Variants in KCNIP1 observed in about 807,000 individuals in gnomAD.
The protein encoded by KCNIP1 is potassium voltage-gated channel interacting protein 1, also known as A-type potassium channel modulatory protein KCNIP1.
KCNIP1 carries 18 observed loss-of-function variants against 33.0 expected under a neutral mutation model. The observed-to-expected ratio is 0.55, with a 90% CI of 0.38 to 0.81. KCNIP1 has a LOEUF of 0.81. Among genes scored for constraint, KCNIP1 ranks in the 30% least tolerant of loss-of-function variants. KCNIP1 has a pLI of 0.00. For synonymous variants in KCNIP1, 93 were observed against 98.3 expected, an observed-to-expected ratio of 0.95 and a Z score of 0.32; for missense variants, 238 against 271.6, an observed-to-expected ratio of 0.88 and a Z score of 0.87.
chr5:170,679,032 G>A lies in KCNIP1; in HGVS notation c.62-39726G>A, dbSNP rs1232374023. ...AGTGGGTTAATTATTACACTTGCTA[G>A]GGCCCCAGAGGAGAGGAAACACAGT... On this transcript the variant is annotated intron_variant, in intron 1 of 7. Coordinates refer to ENST00000328939, the MANE Select transcript of KCNIP1 (RefSeq NM_014592.4). The A allele has an allele frequency of 9.9e-5, 15 of 152,210 alleles. No individual in the cohort carries two copies. In the East Asian group the frequency reaches 2.9e-3, roughly 29 times the overall value. The allele number at this position is 152,210 out of a possible 1,614,324, so 9.4% of individuals were successfully genotyped here.
chr5:170,393,770 C>G (rs1754680191), intron 1 of KCNIP1, among the ~76,000 whole-genome samples: 1 of 151,876 alleles, frequency 6.6e-6, no homozygotes, highest in Non-Finnish European at 1.5e-5. Context: ...GATACTCACT[C>G]CTTTTTCCTC....
chr5:170,534,249 T>G (rs1755886824), intron 1 of KCNIP1, among the ~76,000 whole-genome samples: 1 of 152,202 alleles, frequency 6.6e-6, no homozygotes, highest in African/African-American at 2.4e-5. Flanking sequence ...TGGTGGCTCC[T>G]GATTGGTGCA....
At chr5:170,511,204 G>A (rs1179042370) in intron 1 of KCNIP1, among the ~76,000 whole-genome samples, 6 of 152,274 alleles carry the variant, frequency 3.9e-5, no homozygotes, top group African/African-American at 9.6e-5. Flanking sequence ...GCGAGACTCC[G>A]TCTCAAAAAA....
rs182440043 is a variant in KCNIP1 at position 170,403,307 on chromosome 5, G to T, written c.88+49343G>T. 9.8e-5 allele frequency among the ~76,000 whole-genome samples: 15 copies of T among 152,360 alleles called. No individual in the cohort carries two copies. In the East Asian group the frequency reaches 2.9e-3, roughly 29 times the overall value. On this transcript the variant is annotated intron_variant, in intron 1 of 7. Transcript: ENST00000377360. ...TGTATGGGATTTTGGAGCAGATTCA[G>T]TTAGGAAAGATTCAAGAGCAGAGGA...
At chr5:170,387,254 G>A (rs139024861) in intron 1 of KCNIP1, among the ~76,000 whole-genome samples, 1 of 152,278 alleles carries the variant, frequency 6.6e-6, no homozygotes, top group African/African-American at 2.4e-5. Context: ...GGTCCCTAAA[G>A]TAATAAACAT....
intron 1 of KCNIP1, among the ~76,000 whole-genome samples, chr5:170,461,445 A>G (rs149402455): frequency 0.13 from 19,419 of 152,214 alleles, 1,585 homozygotes; most frequent in South Asian, 0.28. Flanking sequence ...ACAGCATGGT[A>G]CTGGTATAAA....
chr5:170,423,943 C>G (rs1423275330), intron 1 of KCNIP1, among the ~76,000 whole-genome samples: 1 of 152,210 alleles, frequency 6.6e-6, no homozygotes, highest in East Asian at 1.9e-4. Flanking sequence ...CTAATGAGAA[C>G]AGAAATAAAG....
At chr5:170,426,307 A>G (rs1173426556) in intron 1 of KCNIP1, among the ~76,000 whole-genome samples, 1 of 151,216 alleles carries the variant, frequency 6.6e-6, no homozygotes, top group Non-Finnish European at 1.5e-5. Context: ...ATTATCAGTC[A>G]TATCAGCCCC....
chr5:170,653,488 C>T (rs1761136298), intron 1 of KCNIP1, among the ~76,000 whole-genome samples: 1 of 152,136 alleles, frequency 6.6e-6, no homozygotes, highest in Non-Finnish European at 1.5e-5. Flanking sequence ...GTGATGTTCT[C>T]TCTGCCCAAT....
chr5:170,726,174 G>C (rs1468010707), intron 5 of KCNIP1, among the ~76,000 whole-genome samples: 1 of 152,056 alleles, frequency 6.6e-6, no homozygotes, highest in Non-Finnish European at 1.5e-5. Flanking sequence ...GCAAGCCATG[G>C]ACTTGGAAAA....
At chr5:170,545,093 T>G (rs1330160065) in intron 1 of KCNIP1, among the ~76,000 whole-genome samples, 1 of 152,180 alleles carries the variant, frequency 6.6e-6, no homozygotes, top group Non-Finnish European at 1.5e-5. Context: ...ATTTTCAGCA[T>G]TTGTGTGTCT....
intron 1 of KCNIP1, among the ~76,000 whole-genome samples, chr5:170,697,365 C>G (rs976383816): frequency 2.0e-5 from 3 of 152,214 alleles, no homozygotes; most frequent in African/African-American, 7.2e-5. Context: ...CTGTTCATCA[C>G]TGTAATCATC....
chr5:170,358,707 T>C (rs1419642118), intron 1 of KCNIP1, among the ~76,000 whole-genome samples: 2 of 152,218 alleles, frequency 1.3e-5, no homozygotes, highest in Non-Finnish European at 2.9e-5. Context: ...CCCGCTTACA[T>C]TTTGTGCCCT....
intron 3 of KCNIP1, 77 bp downstream of exon 3, chr5:170,720,467 T>C: frequency 1.7e-6 from 2 of 1,147,490 alleles, no homozygotes; most frequent in Non-Finnish European, 2.6e-6. Flanking sequence ...AGTCCTCTCT[T>C]CCTTGCCATT....
chr5:170,446,257 A>G (rs1756113557), intron 1 of KCNIP1, among the ~76,000 whole-genome samples: 1 of 152,090 alleles, frequency 6.6e-6, no homozygotes, highest in Non-Finnish European at 1.5e-5. Context: ...CCATTTCTGA[A>G]GGTTGCTGCT....
chr5:170,499,853 C>T (rs1198050103), upstream of KCNIP1, among the ~76,000 whole-genome samples: 1 of 152,192 alleles, frequency 6.6e-6, no homozygotes, highest in Non-Finnish European at 1.5e-5. Context: ...ACTCCTTCCT[C>T]CCTGAACAAC....
At chr5:170,692,256 G>A (rs10041751) in intron 1 of KCNIP1, among the ~76,000 whole-genome samples, 21,562 of 152,086 alleles carry the variant, frequency 0.14, 2,046 homozygotes, top group African/African-American at 0.27. Context: ...AAATGCAACA[G>A]GAAAGAAGCA....
intron 1 of KCNIP1, among the ~76,000 whole-genome samples, chr5:170,450,815 C>T (rs1366171327): frequency 6.6e-6 from 1 of 152,152 alleles, no homozygotes; most frequent in Non-Finnish European, 1.5e-5. Flanking sequence ...TCCTGCGGAT[C>T]GCAAGCTGAG....
At chr5:170,591,591 T>A (rs1010189021) in intron 1 of KCNIP1, among the ~76,000 whole-genome samples, 2 of 152,184 alleles carry the variant, frequency 1.3e-5, no homozygotes, top group Non-Finnish European at 2.9e-5. Flanking sequence ...TCTGTACCCA[T>A]TAAACGACTC....
Sources: allele counts gnomAD v4.1 joint callset (sites outside exome capture counted in the v4.1 genomes callset), GRCh38; gene constraint gnomAD v4.1.1; transcripts MANE v1.5; gene names NCBI Gene and HGNC (gene_info 2026-07-23, HGNC 2026-07-21).